TMEM132D: variants seen among roughly 807,000 people sequenced by gnomAD.
TMEM132D encodes transmembrane protein 132D.
Under a neutral mutation model 62.3 loss-of-function variants are expected in TMEM132D, and 21 were observed. That is an observed-to-expected ratio of 0.34 (90% CI 0.24 to 0.49). The LOEUF (loss-of-function observed/expected upper bound fraction) is 0.49. Among genes scored for constraint, TMEM132D ranks in the 20% least tolerant of loss-of-function variants. TMEM132D has a pLI of 0.99. For missense variants in TMEM132D, 1,346 were observed against 1,402.8 expected (o/e 0.96, Z 0.65); for synonymous variants, 621 against 575.6 (o/e 1.08, Z -1.13).
intron 5 of TMEM132D, among the ~76,000 whole-genome samples, chr12:129,196,723 G>A (rs991073357): frequency 2.6e-5 from 4 of 152,100 alleles, no homozygotes; most frequent in Non-Finnish European, 5.9e-5. Context: ...ATTTCTCCAG[G>A]AGGTATAATC....
At chr12:129,331,217 C>T (rs748356248) in intron 4 of TMEM132D, among the ~76,000 whole-genome samples, 1 of 152,198 alleles carries the variant, frequency 6.6e-6, no homozygotes, top group Non-Finnish European at 1.5e-5. Flanking sequence ...AATTGCACTT[C>T]CTAAAGAGCA....
rs76085896 is a variant in TMEM132D at position 129,603,360 on chromosome 12, G to C, written c.969-72155C>G. ...ACATTTCTACTGTCTCCGAGGTTTT[G>C]TCTTTTGCAAAATGTTCTACAGTTG... On this transcript the variant is annotated intron_variant, in intron 2 of 8. Coordinates refer to ENST00000422113, the MANE Select transcript of TMEM132D (RefSeq NM_133448.3). 7.8e-3 allele frequency among the ~76,000 whole-genome samples: 1,184 copies of C among 152,230 alleles called. 52 individuals carry two copies. In the East Asian group the frequency reaches 0.096, roughly 12 times the overall value.
intron 3 of TMEM132D, 103 bp from the exon 4 acceptor site, chr12:129,337,920 C>T: frequency 3.2e-6 from 4 of 1,231,656 alleles, no homozygotes; most frequent in Non-Finnish European, 4.5e-6. Flanking sequence ...TGTACCTCCA[C>T]ATGGAACCAA....
At chr12:129,313,502 C>T (rs2135637209) in intron 4 of TMEM132D, among the ~76,000 whole-genome samples, 1 of 151,692 alleles carries the variant, frequency 6.6e-6, no homozygotes, top group Admixed American at 6.6e-5. Flanking sequence ...TTAATCCATT[C>T]CTTTTTATGG....
chr12:129,726,006 A>C lies in TMEM132D; in HGVS notation c.80-25308T>G, dbSNP rs900349537. Among the ~76,000 whole-genome samples the C allele has an allele frequency of 4.6e-5, 7 of 152,212 alleles. No individual in the cohort carries two copies. In the East Asian group the frequency reaches 1.2e-3, roughly 25 times the overall value. Reference sequence around the variant, plus strand: ...TGGGATTTTGATACTTACCAGGTAGAGGATATGCATGTCACCAGTCCCTAG... The same window carrying C: ...TGGGATTTTGATACTTACCAGGTAGCGGATATGCATGTCACCAGTCCCTAG... On this transcript the variant is annotated intron_variant, in intron 1 of 8. Coordinates refer to ENST00000422113, the MANE Select transcript of TMEM132D (RefSeq NM_133448.3).
At chr12:129,515,913 C>T (rs1172923956) in intron 3 of TMEM132D, among the ~76,000 whole-genome samples, 1 of 152,172 alleles carries the variant, frequency 6.6e-6, no homozygotes, top group Admixed American at 6.5e-5. Context: ...ATTCGTTATG[C>T]TTTTCTCTTG....
At chr12:129,077,071 T>C (rs1874285551) in intron 8 of TMEM132D, among the ~76,000 whole-genome samples, 1 of 152,208 alleles carries the variant, frequency 6.6e-6, no homozygotes, top group Admixed American at 6.5e-5. Context: ...GACTGTAGTA[T>C]AAGGACTAGG....
chr12:129,846,356 G>A (rs948607034), intron 1 of TMEM132D, among the ~76,000 whole-genome samples: 2 of 151,790 alleles, frequency 1.3e-5, no homozygotes, highest in Admixed American at 6.6e-5. Context: ...CTTTCTGGTT[G>A]GTTTTTCAAA....
intron 2 of TMEM132D, among the ~76,000 whole-genome samples, chr12:129,534,788 G>C (rs920385069): frequency 1.3e-5 from 2 of 152,088 alleles, no homozygotes; most frequent in Admixed American, 1.3e-4. Context: ...AAAAAAGGTT[G>C]GGGGAAATTC....
chr12:129,453,083 T>G (rs182698649), intron 3 of TMEM132D, among the ~76,000 whole-genome samples: 1 of 152,208 alleles, frequency 6.6e-6, no homozygotes, highest in Admixed American at 6.5e-5. Flanking sequence ...CAAACCCTAT[T>G]GTGAACTGCG....
At chr12:129,518,757 T>A (rs1875757914) in intron 3 of TMEM132D, among the ~76,000 whole-genome samples, 1 of 152,146 alleles carries the variant, frequency 6.6e-6, no homozygotes, top group Non-Finnish European at 1.5e-5. Context: ...CTTGTGAAAC[T>A]GCTATAGTTA....
At position 129,204,976 on chromosome 12, in the gene TMEM132D, A is replaced by G. The variant is rs145691873; in HGVS notation, c.1443+4544T>C. Among the ~76,000 whole-genome samples the G allele has an allele frequency of 8.8e-3, 1,343 of 152,344 alleles. 22 individuals are homozygous for G. The highest frequency in any genetic ancestry group is 0.057 in the Admixed American group (866 of 15,300). ...CCCTTTTTCAGGCAAGCAAGTGCTG[A>G]GAGAATTTGTTACTACCAGACCTGC... is the stretch of plus-strand genomic sequence containing the variant. On this transcript the variant is annotated intron_variant, in intron 5 of 8. Transcript: ENST00000422113.
rs559985676 is a variant in TMEM132D, at chr12:129,427,069, C to G, written c.1116-89252G>C. On this transcript the variant is annotated intron_variant, in intron 3 of 8. Coordinates refer to ENST00000422113, the MANE Select transcript of TMEM132D (RefSeq NM_133448.3). ...ATGTTTGCAAGAAATAAATACGATC[C>G]CATATGGGAAGCACACATGCTGGAT... 2.6e-5 allele frequency among the ~76,000 whole-genome samples: 4 copies of G among 152,292 alleles called. No homozygotes were observed. In the South Asian group the frequency reaches 8.3e-4, roughly 32 times the overall value.
intron 2 of TMEM132D, among the ~76,000 whole-genome samples, chr12:129,695,510 T>TC (rs1218516000): frequency 6.6e-6 from 1 of 152,198 alleles, no homozygotes; most frequent in Non-Finnish European, 1.5e-5. Context: ...GGATGTACAA[T>TC]CCCAGGTACA....
chr12:129,695,517 T>G (rs1881184383), intron 2 of TMEM132D, among the ~76,000 whole-genome samples: 1 of 152,226 alleles, frequency 6.6e-6, no homozygotes, highest in Non-Finnish European at 1.5e-5. Flanking sequence ...CAATCCCAGG[T>G]ACAGACCACA....
intron 2 of TMEM132D, among the ~76,000 whole-genome samples, chr12:129,655,770 T>A (rs1024547338): frequency 6.6e-6 from 1 of 152,194 alleles, no homozygotes. Context: ...AATAGCATCA[T>A]CTTAAAAGAG....
At chr12:129,707,808 A>G (rs1469755569) in intron 1 of TMEM132D, among the ~76,000 whole-genome samples, 2 of 152,250 alleles carry the variant, frequency 1.3e-5, no homozygotes, top group Non-Finnish European at 2.9e-5. Flanking sequence ...AACAGAATTC[A>G]ACAGGAAGAG....
intron 5 of TMEM132D, among the ~76,000 whole-genome samples, chr12:129,098,831 C>G (rs1875197073): frequency 6.6e-6 from 1 of 152,188 alleles, no homozygotes; most frequent in African/African-American, 2.4e-5. Context: ...GTTCCCTTGA[C>G]ATGCTGAACT....
intron 1 of TMEM132D, among the ~76,000 whole-genome samples, chr12:129,752,486 T>C (rs964082324): frequency 6.6e-5 from 10 of 152,214 alleles, no homozygotes; most frequent in Non-Finnish European, 1.5e-4. Flanking sequence ...GACCTTTATG[T>C]CCACATGAGC....
Sources: allele counts gnomAD v4.1 joint callset (sites outside exome capture counted in the v4.1 genomes callset), GRCh38; gene constraint gnomAD v4.1.1; transcripts MANE v1.5; gene names NCBI Gene and HGNC (gene_info 2026-07-23, HGNC 2026-07-21).